The following OPRM1 variants were observed in gnomAD, a reference collection of about 807,000 sequenced individuals.
OPRM1 encodes the protein mu-type opioid receptor.
OPRM1 carries 27 observed loss-of-function variants against 31.8 expected under a neutral mutation model. That is an observed-to-expected ratio of 0.85 (90% CI 0.63 to 1.17). The LOEUF (loss-of-function observed/expected upper bound fraction) is 1.17. Ranked by LOEUF, OPRM1 falls within the 50% of genes most tolerant of loss-of-function variation. The pLI is 0.00. For missense variants in OPRM1, 536 were observed against 511.1 expected (o/e 1.05, Z -0.47); for synonymous variants, 196 against 189.9 (o/e 1.03, Z -0.26).
intron 3 of OPRM1, among the ~76,000 whole-genome samples, chr6:154,231,495 C>T (rs1207556317): frequency 6.6e-6 from 1 of 152,238 alleles, no homozygotes; most frequent in East Asian, 1.9e-4. Flanking sequence ...AAATGTCTGT[C>T]ATCAGGTGAC....
chr6:154,230,066 G>A (rs1293182060), intron 3 of OPRM1, among the ~76,000 whole-genome samples: 4 of 152,064 alleles, frequency 2.6e-5, no homozygotes, highest in African/African-American at 9.7e-5. Flanking sequence ...TTGGGGGTGG[G>A]AACTGACTGT....
intron 3 of OPRM1, among the ~76,000 whole-genome samples, chr6:154,199,143 A>G (rs1282833874): frequency 6.6e-6 from 1 of 152,212 alleles, no homozygotes; most frequent in East Asian, 1.9e-4. Context: ...CTTTATATGT[A>G]AAGGTTCTAA....
At chr6:154,101,569 T>G (rs1159885323) in intron 3 of OPRM1, among the ~76,000 whole-genome samples, 1 of 152,162 alleles carries the variant, frequency 6.6e-6, no homozygotes, top group Non-Finnish European at 1.5e-5. Context: ...AACGTCTAAA[T>G]CTCAATAATG....
intron 3 of OPRM1, among the ~76,000 whole-genome samples, chr6:154,197,910 T>G (rs1016085526): frequency 1.3e-5 from 2 of 152,232 alleles, no homozygotes; most frequent in African/African-American, 2.4e-5. Flanking sequence ...AAATAATAGA[T>G]GTAGTACTTT....
chr6:154,202,907 G>A (rs541951948), intron 3 of OPRM1, among the ~76,000 whole-genome samples: 3 of 152,264 alleles, frequency 2.0e-5, no homozygotes, highest in Non-Finnish European at 4.4e-5. Context: ...AAGAGGAAAA[G>A]GAAAATGAGA....
intron 1 of OPRM1, among the ~76,000 whole-genome samples, chr6:154,020,954 T>G (rs1420631115): frequency 6.6e-6 from 1 of 152,238 alleles, no homozygotes; most frequent in African/African-American, 2.4e-5. Context: ...GAGTAAATGT[T>G]TTTAATTTAA....
At chr6:154,096,601 G>A (rs1793431513) in intron 3 of OPRM1, among the ~76,000 whole-genome samples, 1 of 152,090 alleles carries the variant, frequency 6.6e-6, no homozygotes, top group African/African-American at 2.4e-5. Context: ...GCAATGTACA[G>A]ATTCAAAAGT....
At chr6:154,148,369 G>T (rs983169458) in intron 3 of OPRM1, among the ~76,000 whole-genome samples, 3 of 152,134 alleles carry the variant, frequency 2.0e-5, no homozygotes, top group Non-Finnish European at 4.4e-5. Context: ...TACCTTATTG[G>T]GACTCTGCAT....
chr6:154,110,023 T>C (rs1176086628), intron 3 of OPRM1, among the ~76,000 whole-genome samples: 1 of 152,222 alleles, frequency 6.6e-6, no homozygotes, highest in Non-Finnish European at 1.5e-5. Context: ...AATGTTTCAC[T>C]GGAATAATTG....
At chr6:154,158,241 G>T (rs1390006063) in intron 3 of OPRM1, 1 of 152,156 alleles carries the variant, frequency 6.6e-6, no homozygotes, top group Non-Finnish European at 1.5e-5. Flanking sequence ...AACAAAATAG[G>T]TTGTGTGAAC....
rs538817267 is a variant in OPRM1 at position 154,025,344 on chromosome 6, C to T, written c.1-13817C>T. On this transcript the variant is annotated intron_variant, in intron 1 of 5. Coordinates refer to the OPRM1 transcript ENST00000434900. ...TCTGATACAAGTATAGTTAGTTACT[C>T]CTGCTCTTTTTTGGTTTCCATTGAC... Among the ~76,000 whole-genome samples, 6 of 152,018 alleles carry T rather than the reference C, an allele frequency of 3.9e-5. No individual in the cohort carries two copies. The South Asian group carries it at 1.2e-3, about 32-fold the overall frequency.
In OPRM1 at chr6:154,199,956, G is replaced by C. The variant is rs1423580102; in HGVS notation, c.1165-46737G>C. The C allele has an allele frequency of 6.2e-6, 10 of 1,614,182 alleles. No individual in the cohort carries two copies. In the Admixed American group the frequency reaches 1.7e-4, roughly 27 times the overall value. ...GATAAGGAGGAAGGAAAACTGCTGG[G>C]TGTCTTCACTGTATTTTCCAGGGAA... On this transcript the variant is annotated intron_variant, in intron 3 of 3. Transcript: ENST00000337049.
At chr6:154,109,570 C>T (rs1234078726) in intron 3 of OPRM1, among the ~76,000 whole-genome samples, 2 of 152,054 alleles carry the variant, frequency 1.3e-5, no homozygotes, top group Non-Finnish European at 2.9e-5. Context: ...GGGAATGACC[C>T]TTTGAATAAG....
At chr6:154,018,754 C>T (rs947898417) in intron 1 of OPRM1, among the ~76,000 whole-genome samples, 2 of 152,050 alleles carry the variant, frequency 1.3e-5, no homozygotes, top group South Asian at 2.1e-4. Flanking sequence ...ATGGTTTATA[C>T]GGAAAAACAA....
At chr6:154,111,671 A>G (rs1038256230) in intron 3 of OPRM1, among the ~76,000 whole-genome samples, 4 of 152,234 alleles carry the variant, frequency 2.6e-5, no homozygotes, top group Non-Finnish European at 5.9e-5. Flanking sequence ...AAAGCTTTTC[A>G]AACATTTAAT....
chr6:154,091,935 T>A (rs1185797433), intron 3 of OPRM1: 1 of 986,568 alleles, frequency 1.0e-6, no homozygotes, highest in Non-Finnish European at 1.2e-6. Context: ...GGATGCAAGA[T>A]ATTCACAGAA....
At chr6:154,107,253 C>T (rs763167716) in intron 3 of OPRM1, among the ~76,000 whole-genome samples, 3 of 152,126 alleles carry the variant, frequency 2.0e-5, no homozygotes, top group East Asian at 1.9e-4. Flanking sequence ...TTTGAATGTC[C>T]GCTTTTAATT....
chr6:154,148,610 A>G (rs761071317), intron 3 of OPRM1, among the ~76,000 whole-genome samples: 4 of 152,158 alleles, frequency 2.6e-5, no homozygotes, highest in Non-Finnish European at 4.4e-5. Context: ...TTTTCATTCA[A>G]TATAAAGATC....
chr6:154,089,796 G>A lies in OPRM1; in HGVS notation c.291-30G>A, dbSNP rs1791599203. On this transcript the variant is annotated intron_variant, in intron 1 of 3. Transcript: ENST00000330432. ...ATATTTTACACTAGTGTCTTTTACT[G>A]ATTCTCACTCTTCTTCCTTTATCTC... 9 of 1,489,718 alleles carry A rather than the reference G, an allele frequency of 6.0e-6. No individual in the cohort carries two copies. In the South Asian group the frequency reaches 9.6e-5, roughly 16 times the overall value. The allele number at this position is 1,489,718 out of a possible 1,614,324, so 92.3% of individuals were successfully genotyped here. A position where few individuals can be genotyped will look rare whatever the true frequency, so the allele number is the denominator to read the frequency against.
Sources: gnomAD v4.1 joint callset for allele counts (sites outside exome capture counted in the v4.1 genomes callset) on GRCh38, gnomAD v4.1.1 for gene constraint, MANE v1.5 for transcripts, NCBI Gene and HGNC (gene_info 2026-07-23, HGNC 2026-07-21) for gene names.